Variants in CDH3 observed in about 807,000 individuals in gnomAD.
The protein encoded by CDH3 is cadherin 3, also known as cadherin-3.
A neutral mutation model predicts 82.0 loss-of-function variants in CDH3; 54 were observed. That is an observed-to-expected ratio of 0.66 (90% CI 0.53 to 0.83). The LOEUF is 0.83. CDH3 is among the 40% of genes least tolerant of loss of function. The pLI is 0.00. For missense variants in CDH3, 1,054 were observed against 1,084.6 expected (o/e 0.97, Z 0.40); for synonymous variants, 446 against 437.9 (o/e 1.02, Z -0.23).
chr16:68,645,500 C>T, intron 1 of CDH3, 76 bp downstream of exon 1: 2 of 1,530,812 alleles, frequency 1.3e-6, no homozygotes, highest in African/African-American at 1.4e-5. Context: ...GGGGCAGTGG[C>T]GTCGGGGAGA....
intron 12 of CDH3, among the ~76,000 whole-genome samples, chr16:68,688,079 T>A (rs1961466439): frequency 6.6e-6 from 1 of 151,268 alleles, no homozygotes; most frequent in Non-Finnish European, 1.5e-5. Context: ...TGACTCTCGC[T>A]ATGTGACATG....
At chr16:68,651,348 G>A (rs1960237678) in intron 2 of CDH3, 2 of 554,058 alleles carry the variant, frequency 3.6e-6, no homozygotes, top group Non-Finnish European at 7.3e-6. Flanking sequence ...TGATGGTCGA[G>A]TGGTCCACGG....
intron 2 of CDH3, among the ~76,000 whole-genome samples, chr16:68,724,544 T>C (rs1006306637): frequency 2.0e-5 from 3 of 151,856 alleles, no homozygotes; most frequent in African/African-American, 7.3e-5. Flanking sequence ...GGAGAATCAC[T>C]TGGGCCCAGG....
chr16:68,715,961 C>A lies in CDH3; in HGVS notation c.100-6464C>A, dbSNP rs550375254. Among the ~76,000 whole-genome samples, 5 of 152,324 alleles carry A rather than the reference C, an allele frequency of 3.3e-5. No homozygotes were observed. The South Asian group carries it at 6.2e-4, about 19-fold the overall frequency. On this transcript the variant is annotated intron_variant, in intron 1 of 2. Transcript: ENST00000569080. The stretch of plus-strand genomic sequence containing the variant: ...GGTGTACAGATTAAGGATTTCCTCG[C>A]AACATTGCTTGTAAGACTAAGCATT...
chr16:68,645,649 A>T lies in CDH3; in HGVS notation c.59A>T (p.Gln20Leu). The T allele has an allele frequency of 1.9e-6, 3 of 1,542,572 alleles. No homozygotes were observed. Among genetic ancestry groups the T allele is most frequent in the Non-Finnish European group, 2.6e-6 (3 of 1,146,562 alleles). The change falls in exon 2 of 16, where the codon CAG (glutamine) becomes CTG (leucine). Residue 20 changes from glutamine to leucine, a missense_variant. Coordinates refer to ENST00000264012, the MANE Select transcript of CDH3 (RefSeq NM_001793.6). ...CCTCGGGCGCAGGTTTGCTGGCTGC[A>T]GTGCGCGGCCTCCGAGCCGTGCCGG... ...SLLLLQVCWL[Q>L]CAASEPCRAV...
At chr16:68,718,417 T>C (rs1355148747) in intron 1 of CDH3, among the ~76,000 whole-genome samples, 1 of 152,138 alleles carries the variant, frequency 6.6e-6, no homozygotes, top group African/African-American at 2.4e-5. Context: ...TGGTGGCTCA[T>C]GCCTATAATC....
rs571733117 is a variant in CDH3, at chr16:68,692,428, T to A, written c.2002+502T>A. Among the ~76,000 whole-genome samples, 3 of 152,304 alleles carry A rather than the reference T, an allele frequency of 2.0e-5. No homozygotes were observed. In the South Asian group the frequency reaches 6.2e-4, roughly 32 times the overall value. On this transcript the variant is annotated intron_variant, in intron 13 of 15. Coordinates refer to ENST00000264012, the MANE Select transcript of CDH3 (RefSeq NM_001793.6). ...GTACCAGGCTTTGGGGATACAGTGG[T>A]GAGCAAACAGACTCGGCCCTGCCAT...
chr16:68,693,020 C>T (rs984708015), intron 13 of CDH3, among the ~76,000 whole-genome samples: 1 of 152,180 alleles, frequency 6.6e-6, no homozygotes, highest in Admixed American at 6.5e-5. Context: ...AGGAGAATCA[C>T]TTGAACCCAG....
chr16:68,731,368 CAAAAAAAAAAAA>C (rs869074059), downstream of CDH3, among the ~76,000 whole-genome samples: 41 of 2,250 alleles, frequency 0.018, 2 homozygotes, highest in South Asian at 0.048. Context: ...AACTCCGTCT[CAAAAAAAAAAAA>C]AAAAAAAAAA....
intron 3 of CDH3, among the ~76,000 whole-genome samples, chr16:68,676,955 C>G (rs573146602): frequency 4.6e-5 from 7 of 152,228 alleles, no homozygotes; most frequent in Admixed American, 1.3e-4. Flanking sequence ...TAAATAATCT[C>G]CCCTTGTTTG....
At chr16:68,711,041 T>C (rs1962023235) in intron 1 of CDH3, among the ~76,000 whole-genome samples, 2 of 140,620 alleles carry the variant, frequency 1.4e-5, no homozygotes, top group Middle Eastern at 7.4e-3. Flanking sequence ...GAAGGCGAGG[T>C]GGCTCATGCC....
chr16:68,719,254 G>GAA (rs71148938), intron 1 of CDH3, among the ~76,000 whole-genome samples: 42 of 143,610 alleles, frequency 2.9e-4, no homozygotes, highest in Admixed American at 4.2e-4. Context: ...CAAAAAAAAA[G>GAA]AAAAAAAAAA....
intron 1 of CDH3, among the ~76,000 whole-genome samples, chr16:68,706,553 T>G (rs1157360701): frequency 1.4e-5 from 2 of 137,998 alleles, no homozygotes; most frequent in Non-Finnish European, 3.2e-5. Flanking sequence ...CCTTTTTTTT[T>G]TTTTTTTTTT....
intron 10 of CDH3, 36 bp downstream of exon 10, chr16:68,684,860 T>C (rs950701019): frequency 1.2e-6 from 2 of 1,613,260 alleles, no homozygotes; most frequent in Non-Finnish European, 1.7e-6. Context: ...CAGCACGTAC[T>C]GGTACAGTTG....
intron 11 of CDH3, chr16:68,686,342 C>T: frequency 1.0e-6 from 1 of 985,386 alleles, no homozygotes; most frequent in South Asian, 1.3e-5. Context: ...TGCGGCGCTA[C>T]ACAAGAGCAG....
At chr16:68,661,929 G>A (rs1960591805) in intron 2 of CDH3, among the ~76,000 whole-genome samples, 1 of 152,244 alleles carries the variant, frequency 6.6e-6, no homozygotes, top group Non-Finnish European at 1.5e-5. Flanking sequence ...GACCTCAGGT[G>A]ATCTGCCCGT....
At chr16:68,649,406 G>A (rs1271926554) in intron 2 of CDH3, among the ~76,000 whole-genome samples, 1 of 152,076 alleles carries the variant, frequency 6.6e-6, no homozygotes, top group Non-Finnish European at 1.5e-5. Flanking sequence ...CCTACTCTGG[G>A]GTATGCCCTT....
chr16:68,648,542 C>G (rs1424320071), intron 2 of CDH3, among the ~76,000 whole-genome samples: 2 of 152,080 alleles, frequency 1.3e-5, no homozygotes, highest in East Asian at 3.9e-4. Flanking sequence ...ACCTCTACCT[C>G]CTGGGCTCTA....
intron 2 of CDH3, among the ~76,000 whole-genome samples, chr16:68,673,442 CCT>C (rs374070044): frequency 5.1e-4 from 76 of 149,114 alleles, no homozygotes; most frequent in Non-Finnish European, 3.9e-4. Context: ...GTTCCCCTCC[CCT>C]CTCTCTCTCT....
Sources: allele counts gnomAD v4.1 joint callset (sites outside exome capture counted in the v4.1 genomes callset), GRCh38; gene constraint gnomAD v4.1.1; transcripts MANE v1.5; gene names NCBI Gene and HGNC (gene_info 2026-07-23, HGNC 2026-07-21).